Variants in ZNF419 observed in about 807,000 individuals in gnomAD.
The protein encoded by ZNF419 is zinc finger protein 419.
A neutral mutation model predicts 14.9 loss-of-function variants in ZNF419; 8 were observed. The observed-to-expected ratio is 0.54, with a 90% CI of 0.32 to 0.97. The LOEUF (loss-of-function observed/expected upper bound fraction) is 0.97. Ranked by LOEUF, ZNF419 falls within the 50% of genes least tolerant of loss-of-function variation. ZNF419 has a pLI of 0.04. For missense variants in ZNF419, 595 were observed against 607.2 expected, an observed-to-expected ratio of 0.98 and a Z score of 0.21; for synonymous variants, 211 against 205.3, an observed-to-expected ratio of 1.03 and a Z score of -0.24.
chr19:57,493,476 A>G lies in ZNF419; in HGVS notation c.919A>G (p.Lys307Glu). The G allele has an allele frequency of 6.2e-7, 1 of 1,614,178 alleles. No individual in the cohort carries two copies. The highest frequency in any genetic ancestry group is 1.1e-5 in the South Asian group (1 of 91,084). The change falls in exon 5 of 5, where the codon AAA (lysine) becomes GAA (glutamate). Residue 307 changes from lysine to glutamate, a missense_variant. By Grantham distance (56) the Lys-to-Glu change is moderately conservative. Transcript: ENST00000221735. ...TAATTCCACACTTGTTCAGCATCAC[A>G]AAATCCACACTGGAGTAAGGCCTTA... ...RHNSTLVQHHKIHTGVRPYEC... is the reference protein window; with the variant it reads ...RHNSTLVQHHEIHTGVRPYEC...
rs10221506 is a variant in ZNF419, at chr19:57,495,352, G to A, written c.*1262G>A. Reference sequence around the variant, plus strand: ...TAGAGCAGATTGTCTTAATTTTATGGAGCCCAATTTATCCATTTGTTATTT... The same window carrying A: ...TAGAGCAGATTGTCTTAATTTTATGAAGCCCAATTTATCCATTTGTTATTT... On this transcript the variant is annotated 3_prime_UTR_variant, in exon 5 of 5. Coordinates refer to ENST00000221735, the MANE Select transcript of ZNF419 (RefSeq NM_024691.4). The A allele has an allele frequency of 0.68, 103,751 of 152,004 alleles. 35,421 individuals carry two copies. Among genetic ancestry groups the A allele is most frequent in the South Asian group, 0.81 (3,882 of 4,822 alleles). The allele number at this position is 152,004 out of a possible 1,614,324, so 9.4% of individuals were successfully genotyped here. A position where few individuals can be genotyped will look rare whatever the true frequency, so the allele number is the denominator to read the frequency against.
chr19:57,489,262 A>G (rs1170197333), intron 1 of ZNF419: 2 of 152,186 alleles, frequency 1.3e-5, no homozygotes, highest in East Asian at 1.9e-4. Flanking sequence ...TTGTGAATTT[A>G]TGAGGTAAGT....
rs1400959648 is a variant in ZNF419 at position 57,493,282 on chromosome 19, A to G, written c.725A>G (p.Asp242Gly). 1.2e-6 allele frequency: 2 copies of G among 1,614,222 alleles called. No individual in the cohort carries two copies. The highest frequency in any genetic ancestry group is 1.7e-5 in the Admixed American group (1 of 60,030). The part of the protein sequence containing the change: ...ECSECGKLFR[D>G]MSNLFIHQIV... ...AGTGAATGTGGGAAGTTATTTAGAG[A>G]TATGTCCAACCTTTTTATACACCAA... Residue 242 changes from aspartate (D) to glycine (G), a missense_variant, in exon 5 of 5, where the codon GAT (aspartate) becomes GGT (glycine). Coordinates refer to ENST00000221735, the MANE Select transcript of ZNF419 (RefSeq NM_024691.4).
rs568372900 is a variant in ZNF419 at position 57,490,230 on chromosome 19, C to G, written c.72+45C>G. ...GGTCCTCACACTCCTGCACTCCTAC[C>G]TACATGGTCTTCAGAATTATGGTGT... On this transcript the variant is annotated intron_variant, in intron 2 of 4. Transcript: ENST00000221735. 3.3e-5 allele frequency: 52 copies of G among 1,581,868 alleles called. 1 individual carries two copies. In the South Asian group the frequency reaches 5.5e-4, roughly 17 times the overall value.
In ZNF419 at chr19:57,494,147, G is replaced by A; in HGVS notation, c.*57G>A. On this transcript the variant is annotated 3_prime_UTR_variant, in exon 5 of 5. Transcript: ENST00000221735. Reference sequence around the variant, plus strand: ...CTCATTCAACACCAGAAAGTTCACAGTGGAAAAAATCTTGAAGGTAACAGA... The same window carrying A: ...CTCATTCAACACCAGAAAGTTCACAATGGAAAAAATCTTGAAGGTAACAGA... 1 of 1,536,614 alleles carries A rather than the reference G, an allele frequency of 6.5e-7. No individual in the cohort carries two copies. Among genetic ancestry groups the A allele is most frequent in the Non-Finnish European group, 8.7e-7 (1 of 1,147,908 alleles).
At position 57,487,962 on chromosome 19, in the gene ZNF419, C is replaced by T. The variant is rs1229852462; in HGVS notation, c.12C>T (p.Ala4=). The part of the protein sequence containing the change: MAA[A]ALRDPAQVPV... Reference sequence around the variant, plus strand: ...ACTCACAGGCTCCGATGGCGGCGGCCGCCCTGAGGGACCCCGCTCAGGTGA... The same window carrying T: ...ACTCACAGGCTCCGATGGCGGCGGCTGCCCTGAGGGACCCCGCTCAGGTGA... Residue 4 remains alanine, a synonymous_variant, in exon 1 of 5, where the codon GCC becomes GCT. Transcript: ENST00000221735. The T allele has an allele frequency of 2.5e-6, 4 of 1,613,670 alleles. No individual in the cohort carries two copies. The highest frequency in any genetic ancestry group is 1.1e-5 in the South Asian group (1 of 91,044).
chr19:57,487,866 G>T lies in ZNF419; in HGVS notation c.-85G>T. ...CGCTGTTCTCGCCGCTCAGAGGCGG[G>T]TCTGAGGCTCGGTGGCGGCGCCCAG... On this transcript the variant is annotated 5_prime_UTR_variant, in exon 1 of 5. Transcript: ENST00000221735. 1.3e-6 allele frequency: 2 copies of T among 1,593,838 alleles called. No homozygotes were observed. Among genetic ancestry groups the T allele is most frequent in the Non-Finnish European group, 1.7e-6 (2 of 1,163,518 alleles).
Position 57,493,381 on chromosome 19 carries a change from T to C in ZNF419, c.824T>C (p.Ile275Thr), listed in dbSNP as rs778191073. 15 of 1,614,118 alleles carry C rather than the reference T, an allele frequency of 9.3e-6. No homozygotes were observed. Among genetic ancestry groups the C allele is most frequent in the Non-Finnish European group, 1.3e-5 (15 of 1,180,054 alleles). ...TCCTTTAGCCGTAATGCTCACCTCA[T>C]TGAACACCAGAGAGTTCACACTGGA... ...GKSFSRNAHL[I>T]EHQRVHTGEK... The change falls in exon 5 of 5, where the codon ATT (isoleucine) becomes ACT (threonine). Residue 275 changes from isoleucine (I) to threonine (T), a missense_variant. Transcript: ENST00000221735.
At position 57,494,506 on chromosome 19, in the gene ZNF419, G is replaced by C. The variant is rs767537332; in HGVS notation, c.*416G>C. On this transcript the variant is annotated 3_prime_UTR_variant, in exon 5 of 5. Coordinates refer to ENST00000221735, the MANE Select transcript of ZNF419 (RefSeq NM_024691.4). Reference sequence around the variant, plus strand: ...GCCCTCTGCCTTGGAGCTCCAGAGAGAGGGAGCCCTGTATTCTTGGCTGTA... The same window carrying C: ...GCCCTCTGCCTTGGAGCTCCAGAGACAGGGAGCCCTGTATTCTTGGCTGTA... 4.4e-5 allele frequency: 8 copies of C among 182,256 alleles called. No individual in the cohort carries two copies. Among genetic ancestry groups the C allele is most frequent in the Non-Finnish European group, 9.0e-5 (8 of 88,484 alleles). The allele number at this position is 182,256 out of a possible 1,614,324, so 11.3% of individuals were successfully genotyped here.
At chr19:57,489,770 G>C in intron 1 of ZNF419, 1 of 194,746 alleles carries the variant, frequency 5.1e-6, no homozygotes, top group Non-Finnish European at 1.1e-5. Context: ...GATTACAGGT[G>C]TGAGCCACTG....
chr19:57,495,208 G>A lies in ZNF419; in HGVS notation c.*1118G>A, dbSNP rs1335593552. The A allele has an allele frequency of 6.6e-6, 1 of 152,106 alleles. No homozygotes were observed. The highest frequency in any genetic ancestry group is 1.9e-4 in the East Asian group (1 of 5,190). The allele number at this position is 152,106 out of a possible 1,614,324, so 9.4% of individuals were successfully genotyped here. A position where few individuals can be genotyped will look rare whatever the true frequency, so the allele number is the denominator to read the frequency against. On this transcript the variant is annotated 3_prime_UTR_variant, in exon 5 of 5. Transcript: ENST00000221735. ...AGATGAGGTCGTGCTATGTTGCACA[G>A]ACTAGTCTCTAACTCCTGGCCTCAA... is the stretch of plus-strand genomic sequence containing the variant.
chr19:57,495,698 C>T lies in ZNF419; in HGVS notation c.*1608C>T, dbSNP rs1313573841. The T allele has an allele frequency of 8.3e-6, 1 of 120,948 alleles. No homozygotes were observed. Among genetic ancestry groups the T allele is most frequent in the Non-Finnish European group, 1.6e-5 (1 of 62,338 alleles). 7.5% of individuals were successfully genotyped at this position (120,948 alleles called of 1,614,324 possible). A position where few individuals can be genotyped will look rare whatever the true frequency, so the allele number is the denominator to read the frequency against. On this transcript the variant is annotated 3_prime_UTR_variant, in exon 5 of 5. Coordinates refer to ENST00000221735, the MANE Select transcript of ZNF419 (RefSeq NM_024691.4). Reference sequence around the variant, plus strand: ...CCGAGATTGCGCCACTGCACTCCAGCCTGGGGCACAAAGCCAGACTCTGTC... The same window carrying T: ...CCGAGATTGCGCCACTGCACTCCAGTCTGGGGCACAAAGCCAGACTCTGTC...
rs769006979 is a variant in ZNF419, at chr19:57,493,212, G to A, written c.655G>A (p.Val219Ile). The A allele has an allele frequency of 2.5e-6, 4 of 1,614,226 alleles. No homozygotes were observed. The South Asian group carries it at 4.4e-5, about 18-fold the overall frequency. ...GKAFGQKYLL[V>I]QHQRLHAGKK... is the part of the protein sequence containing the mutation. ...AGCCTTTGGTCAGAAATATTTACTTGTTCAGCACCAGAGACTACATGCTGG... is the reference window on the plus strand; with the variant it reads ...AGCCTTTGGTCAGAAATATTTACTTATTCAGCACCAGAGACTACATGCTGG... Residue 219 changes from valine (V) to isoleucine (I), a missense_variant, in exon 5 of 5, where the codon GTT becomes ATT. Val to Ile is a conservative substitution (Grantham distance 29). Coordinates refer to ENST00000221735, the MANE Select transcript of ZNF419 (RefSeq NM_024691.4).
At position 57,494,890 on chromosome 19, in the gene ZNF419, T is replaced by C. The variant is rs1347195194; in HGVS notation, c.*800T>C. The C allele has an allele frequency of 6.4e-6, 1 of 156,576 alleles. No individual in the cohort carries two copies. The highest frequency in any genetic ancestry group is 1.4e-5 in the Non-Finnish European group (1 of 70,952). The allele number at this position is 156,576 out of a possible 1,614,324, so 9.7% of individuals were successfully genotyped here. ...CTTCACATTACTGACAGTTTATATG[T>C]GTAGAAGTCATAGGCCATTCATTTT... On this transcript the variant is annotated 3_prime_UTR_variant, in exon 5 of 5. Transcript: ENST00000221735.
Position 57,487,981 on chromosome 19 carries a change from C to G in ZNF419, c.31C>G (p.Gln11Glu), listed in dbSNP as rs761250123. 1.2e-6 allele frequency: 2 copies of G among 1,613,570 alleles called. No individual in the cohort carries two copies. Among genetic ancestry groups the G allele is most frequent in the Non-Finnish European group, 8.5e-7 (1 of 1,179,912 alleles). Residue 11 changes from glutamine to glutamate, a missense_variant and splice_region_variant, in exon 1 of 5, where the codon CAG (glutamine) becomes GAG (glutamate). Gln to Glu is a conservative substitution (Grantham distance 29). Transcript: ENST00000221735. MAAAALRDPA[Q>E]VPVAADLLTD... ...GGCGGCCGCCCTGAGGGACCCCGCT[C>G]AGGTGAGCGCCGCGTCCTCCTGGCC...
Position 57,489,801 on chromosome 19 carries a change from T to A in ZNF419, c.34-346T>A, listed in dbSNP as rs749957055. 4.3e-5 allele frequency: 9 copies of A among 208,436 alleles called. No homozygotes were observed. In the Middle Eastern group the frequency reaches 5.3e-3, roughly 123 times the overall value. The allele number at this position is 208,436 out of a possible 1,614,324, so 12.9% of individuals were successfully genotyped here. ...CACTGCGCCTAGCCAGAAACCCACA[T>A]TTTGAAAACCTACCAGTTTATTTGC... On this transcript the variant is annotated intron_variant, in intron 1 of 4. Coordinates refer to ENST00000221735, the MANE Select transcript of ZNF419 (RefSeq NM_024691.4).
At position 57,494,062 on chromosome 19, in the gene ZNF419, G is replaced by A. The variant is rs749743450; in HGVS notation, c.1505G>A (p.Arg502Gln). 2.1e-5 allele frequency: 34 copies of A among 1,610,076 alleles called. No homozygotes were observed. Among genetic ancestry groups the A allele is most frequent in the South Asian group, 1.0e-4 (9 of 90,304 alleles). The change falls in exon 5 of 5, where the codon CGA (arginine) becomes CAA (glutamine). Residue 502 changes from arginine (R) to glutamine (Q), a missense_variant. Arg to Gln is a conservative substitution (Grantham distance 43). Transcript: ENST00000221735. The part of the protein sequence containing the change: ...FRHNSSLFKH[R>Q]RIHTGEMQ ...CACAACTCCAGTCTTTTTAAACATCGAAGGATTCACACTGGAGAAATGCAG... is the reference window on the plus strand; with the variant it reads ...CACAACTCCAGTCTTTTTAAACATCAAAGGATTCACACTGGAGAAATGCAG...
At chr19:57,490,081 C>G in intron 1 of ZNF419, 66 bp from the exon 2 acceptor site, 1 of 1,495,138 alleles carries the variant, frequency 6.7e-7, no homozygotes, top group Non-Finnish European at 9.3e-7. Context: ...CCAGGCTAGA[C>G]GAGTGGGCTT....
At position 57,494,006 on chromosome 19, in the gene ZNF419, T is replaced by C. The variant is rs2089570695; in HGVS notation, c.1449T>C (p.Tyr483=). 2.5e-6 allele frequency: 4 copies of C among 1,614,246 alleles called. No individual in the cohort carries two copies. Among genetic ancestry groups the C allele is most frequent in the African/African-American group, 1.3e-5 (1 of 75,066 alleles). Residue 483 remains tyrosine, a synonymous_variant, in exon 5 of 5, where the codon TAT becomes TAC. Coordinates refer to ENST00000221735, the MANE Select transcript of ZNF419 (RefSeq NM_024691.4). ...HQRVHTGAKP[Y]ECRECGKFFR... is the part of the protein sequence containing the mutation. ...GGGTTCACACTGGAGCAAAGCCTTA[T>C]GAGTGCAGGGAATGTGGGAAGTTTT...
Sources: allele counts gnomAD v4.1 joint callset, GRCh38; gene constraint gnomAD v4.1.1; transcripts MANE v1.5; gene names NCBI Gene and HGNC (gene_info 2026-07-23, HGNC 2026-07-21).